The following CSMD1 variants were observed in gnomAD, a reference collection of about 807,000 sequenced individuals.
CSMD1 encodes CUB and sushi domain-containing protein 1.
Under a neutral mutation model 417.5 loss-of-function variants are expected in CSMD1, and 213 were observed. The ratio of observed to expected loss-of-function variants is 0.51; its 90% CI spans 0.46 to 0.57. The LOEUF is 0.57. Ranked by LOEUF, CSMD1 falls within the 20% of genes least tolerant of loss-of-function variation. CSMD1 has a pLI of 0.00. For missense variants in CSMD1, 6,923 were observed against 4,529.7 expected (o/e 1.53, Z -15.17); for synonymous variants, 2,862 against 1,736.8 (o/e 1.65, Z -16.11).
chr8:3,298,691 T>G (rs1485211252), intron 25 of CSMD1, among the ~76,000 whole-genome samples: 1 of 152,160 alleles, frequency 6.6e-6, no homozygotes, highest in Middle Eastern at 3.2e-3. Context: ...TGATCTCAGG[T>G]AATCTGCCCG....
chr8:3,828,351 C>A (rs1380288697), intron 5 of CSMD1, among the ~76,000 whole-genome samples: 1 of 152,152 alleles, frequency 6.6e-6, no homozygotes, highest in African/African-American at 2.4e-5. Context: ...AATTAAGAAT[C>A]TGTTAGGATT....
At chr8:3,259,969 C>G (rs187026270) in intron 26 of CSMD1, among the ~76,000 whole-genome samples, 1 of 152,178 alleles carries the variant, frequency 6.6e-6, no homozygotes. Context: ...AGCTGAGGAC[C>G]TGCCTTGGAG....
intron 3 of CSMD1, among the ~76,000 whole-genome samples, chr8:4,115,564 G>C (rs1802090495): frequency 6.6e-6 from 1 of 151,910 alleles, no homozygotes; most frequent in South Asian, 2.1e-4. Flanking sequence ...TTATTATTTG[G>C]CTAATAAGGA....
intron 5 of CSMD1, among the ~76,000 whole-genome samples, chr8:3,926,432 A>G (rs1809735164): frequency 6.6e-6 from 1 of 152,064 alleles, no homozygotes; most frequent in Non-Finnish European, 1.5e-5. Context: ...TAGCTAATAT[A>G]GAGTCTGTTA....
intron 10 of CSMD1, among the ~76,000 whole-genome samples, chr8:3,550,652 G>A (rs986150573): frequency 1.4e-4 from 21 of 152,006 alleles, no homozygotes; most frequent in African/African-American, 5.1e-4. Flanking sequence ...CTTTCTTACT[G>A]GTTTGCTTTC....
chr8:3,957,931 G>A (rs1283780258), intron 5 of CSMD1, among the ~76,000 whole-genome samples: 1 of 152,044 alleles, frequency 6.6e-6, no homozygotes, highest in Non-Finnish European at 1.5e-5. Flanking sequence ...ACTTCTCAGG[G>A]CAGCAAATCC....
At chr8:3,133,721 C>T (rs1301428330) in intron 41 of CSMD1, among the ~76,000 whole-genome samples, 3 of 152,130 alleles carry the variant, frequency 2.0e-5, no homozygotes, top group Admixed American at 6.5e-5. Context: ...CAGCACCTCT[C>T]GCTGGCTCAG....
intron 3 of CSMD1, among the ~76,000 whole-genome samples, chr8:4,354,661 A>G (rs576998350): frequency 0.039 from 5,945 of 152,012 alleles, 402 homozygotes; most frequent in African/African-American, 0.14. Context: ...ATCTATGCAG[A>G]ATTTAAAATT....
intron 1 of CSMD1, among the ~76,000 whole-genome samples, chr8:4,793,022 A>G (rs932557981): frequency 2.0e-5 from 3 of 152,048 alleles, no homozygotes; most frequent in African/African-American, 7.2e-5. Context: ...ACACACATAC[A>G]TAAGCCATTA....
chr8:4,418,604 C>G (rs1658816), intron 3 of CSMD1, among the ~76,000 whole-genome samples: 4 of 151,914 alleles, frequency 2.6e-5, no homozygotes, highest in East Asian at 3.9e-4. Context: ...CAAAATATGC[C>G]TGGCATATAG....
chr8:4,082,735 G>C (rs1800206836), intron 3 of CSMD1, among the ~76,000 whole-genome samples: 2 of 150,588 alleles, frequency 1.3e-5, no homozygotes, highest in Admixed American at 6.6e-5. Flanking sequence ...TTTAGCATTA[G>C]GTATATCTCC....
At chr8:3,444,369 T>C (rs1247448301) in intron 12 of CSMD1, among the ~76,000 whole-genome samples, 2 of 152,316 alleles carry the variant, frequency 1.3e-5, no homozygotes, top group African/African-American at 4.8e-5. Context: ...TCAACAAAGA[T>C]AATACATTCC....
rs564025803 is a variant in CSMD1 at position 4,495,576 on chromosome 8, G to GA, written c.303-75512dup. 3.3e-4 allele frequency among the ~76,000 whole-genome samples: 39 copies of GA among 117,190 alleles called. 1 individual carries two copies. The South Asian group carries it at 0.012, about 37-fold the overall frequency. The allele number at this position is 117,190 out of a possible 152,430, so 76.9% of individuals were successfully genotyped here. On this transcript the variant is annotated intron_variant, in intron 2 of 69. Coordinates refer to ENST00000635120, the MANE Select transcript of CSMD1 (RefSeq NM_033225.6). ...GGTGACAGAGCAAGACTCCATCTCA[G>GA]AAAAAAAGAAAAAAAAGAATTGCTT...
chr8:4,951,996 A>G (rs1808783900), intron 1 of CSMD1, among the ~76,000 whole-genome samples: 5 of 151,286 alleles, frequency 3.3e-5, no homozygotes, highest in Admixed American at 3.3e-4. Flanking sequence ...GTTTATCTTA[A>G]AAGGTTTTAA....
intron 31 of CSMD1, among the ~76,000 whole-genome samples, chr8:3,203,272 C>A (rs1273530188): frequency 6.6e-6 from 1 of 152,122 alleles, no homozygotes; most frequent in African/African-American, 2.4e-5. Flanking sequence ...CTGGACATGG[C>A]CCCAACGTCT....
In CSMD1 at chr8:4,691,125, G is replaced by A. The variant is rs116261362; in HGVS notation, c.86-53567C>T. Among the ~76,000 whole-genome samples the A allele has an allele frequency of 6.9e-3, 1,052 of 152,264 alleles. 12 individuals carry two copies. The highest frequency in any genetic ancestry group is 0.027 in the Middle Eastern group (8 of 294). ...CCCATCTTTATGACAGAATGAAATAGCAGAGGACATTTTAACTGCAAGGGA... is the reference window on the plus strand; with the variant it reads ...CCCATCTTTATGACAGAATGAAATAACAGAGGACATTTTAACTGCAAGGGA... On this transcript the variant is annotated intron_variant, in intron 1 of 69. Transcript: ENST00000635120.
chr8:4,477,633 G>C (rs987675832), intron 2 of CSMD1, among the ~76,000 whole-genome samples: 1 of 152,128 alleles, frequency 6.6e-6, no homozygotes, highest in Non-Finnish European at 1.5e-5. Context: ...GGCACTGTGA[G>C]ATATCTAAGA....
chr8:4,337,329 A>G (rs573231790), intron 3 of CSMD1, among the ~76,000 whole-genome samples: 1 of 152,102 alleles, frequency 6.6e-6, no homozygotes, highest in East Asian at 1.9e-4. Context: ...TCTCCCAGTT[A>G]CCCCAGCAAC....
intron 3 of CSMD1, 52 bp downstream of exon 3, chr8:4,419,901 A>G (rs748276321): frequency 7.6e-6 from 9 of 1,178,294 alleles, no homozygotes; most frequent in Non-Finnish European, 1.1e-5. Flanking sequence ...TGTAGCATGT[A>G]TTAGATCATT....
Sources: gnomAD v4.1 joint callset for allele counts (sites outside exome capture counted in the v4.1 genomes callset) on GRCh38, gnomAD v4.1.1 for gene constraint, MANE v1.5 for transcripts, NCBI Gene and HGNC (gene_info 2026-07-23, HGNC 2026-07-21) for gene names.